Variants in DENND4A observed in about 807,000 individuals in gnomAD.
DENND4A encodes C-myc promoter-binding protein.
In DENND4A, 70 loss-of-function variants were observed where a neutral mutation model predicts 199.3. That is an observed-to-expected ratio of 0.35 (90% CI 0.29 to 0.43). The LOEUF is 0.43. DENND4A is among the 20% of genes least tolerant of loss of function. The probability of loss-of-function intolerance (pLI) is 1.00; values close to 1 mark genes in which losing one functional copy is unlikely to be tolerated. For missense variants in DENND4A, 1,723 were observed against 2,255.8 expected (o/e 0.76, Z 4.78); for synonymous variants, 686 against 766.9 (o/e 0.89, Z 1.74).
Position 65,752,554 on chromosome 15 carries a change from G to A in DENND4A, c.386C>T (p.Ala129Val). The A allele has an allele frequency of 6.2e-7, 1 of 1,612,502 alleles. No homozygotes were observed. The highest frequency in any genetic ancestry group is 8.5e-7 in the Non-Finnish European group (1 of 1,179,206). Reference protein sequence around the residue: ...IIQSTPYGRPANISGSTSSQR... With the variant: ...IIQSTPYGRPVNISGSTSSQR... ...TGATGAGGTACTCCCACTAATATTT[G>A]CGGGGCGCCCATAGGGAGTACTCTG... The change falls in exon 4 of 33, where the codon GCA becomes GTA. Residue 129 changes from alanine (A) to valine (V), a missense_variant. By Grantham distance (64) the Ala-to-Val change is moderately conservative (BLOSUM62 0). Transcript: ENST00000443035.
At chr15:65,740,688 T>C (rs1317422198) in intron 5 of DENND4A, among the ~76,000 whole-genome samples, 1 of 149,876 alleles carries the variant, frequency 6.7e-6, no homozygotes, top group Non-Finnish European at 1.5e-5. Flanking sequence ...AGGCCGGGTA[T>C]GGTGGCCCTC....
chr15:65,742,026 C>G (rs2076273528), intron 4 of DENND4A, among the ~76,000 whole-genome samples: 1 of 152,188 alleles, frequency 6.6e-6, no homozygotes, highest in African/African-American at 2.4e-5. Flanking sequence ...AAACTTGACT[C>G]TTTTAAACAA....
rs1470637362 is a variant in DENND4A at position 65,700,607 on chromosome 15, C to G, written c.2770G>C (p.Glu924Gln). The G allele has an allele frequency of 1.3e-6, 2 of 1,547,022 alleles. No homozygotes were observed. Among genetic ancestry groups the G allele is most frequent in the Non-Finnish European group, 1.7e-6 (2 of 1,145,024 alleles). ...MDSGHGTHTV[E>Q]QAPFNTGLIK... ...AAACCCGTATTAAAAGGTGCCTGCT[C>G]CACAGTGTGTGTCCCATGACCACTA... The change falls in exon 20 of 33, where the codon GAG (glutamate) becomes CAG (glutamine). Residue 924 changes from glutamate (E) to glutamine (Q), a missense_variant. By Grantham distance (29) the Glu-to-Gln change is conservative (BLOSUM62 2). This residue lies in a region of DENND4A where 650 missense variants were observed against 738.1 expected (regional missense o/e 0.88). Coordinates refer to ENST00000443035, the MANE Select transcript of DENND4A (RefSeq NM_001320835.1).
intron 1 of DENND4A, among the ~76,000 whole-genome samples, chr15:65,780,562 TTG>T (rs1485750977): frequency 6.6e-6 from 1 of 152,198 alleles, no homozygotes. Context: ...AAAGCTAGGG[TTG>T]TGTCTTTGAT....
At chr15:65,687,786 T>A (rs1235009828) in intron 23 of DENND4A, among the ~76,000 whole-genome samples, 2 of 142,902 alleles carry the variant, frequency 1.4e-5, no homozygotes, top group Non-Finnish European at 3.0e-5. Context: ...TTTCAGTGTA[T>A]TTTAATTTTT....
chr15:65,706,058 CT>C, intron 15 of DENND4A, 32 bp downstream of exon 15: 1 of 1,487,504 alleles, frequency 6.7e-7, no homozygotes, highest in Non-Finnish European at 9.0e-7. Context: ...TTGCTTCTCT[CT>C]TTCAATCTCA....
intron 1 of DENND4A, among the ~76,000 whole-genome samples, chr15:65,786,970 A>G (rs1343693001): frequency 1.3e-5 from 2 of 152,218 alleles, no homozygotes; most frequent in Non-Finnish European, 1.5e-5. Flanking sequence ...AATATTCAAG[A>G]AAAGTATAAA....
intron 27 of DENND4A, among the ~76,000 whole-genome samples, chr15:65,669,383 T>G (rs1326660486): frequency 3.3e-5 from 5 of 152,232 alleles, no homozygotes; most frequent in Non-Finnish European, 2.9e-5. Context: ...TCCAAATGTT[T>G]TCTTAGATTA....
chr15:65,668,204 C>CT (rs1208669376), intron 27 of DENND4A, 81 bp from the exon 28 acceptor site: 1 of 1,021,270 alleles, frequency 9.8e-7, no homozygotes, highest in Non-Finnish European at 1.4e-6. Flanking sequence ...TTCTCTCTCT[C>CT]TCTCTCTTTT....
In DENND4A at chr15:65,661,318, A is replaced by G. The variant is rs1414623712; in HGVS notation, c.*533T>C. Reference sequence around the variant, plus strand: ...TAATTACTTCAAATAGCAGCAGACAAGGAAAATACACGCTTGCTTGCTTAA... The same window carrying G: ...TAATTACTTCAAATAGCAGCAGACAGGGAAAATACACGCTTGCTTGCTTAA... On this transcript the variant is annotated 3_prime_UTR_variant, in exon 33 of 33. Coordinates refer to ENST00000443035, the MANE Select transcript of DENND4A (RefSeq NM_001320835.1). 6.6e-6 allele frequency: 1 copy of G among 152,260 alleles called. No homozygotes were observed. The highest frequency in any genetic ancestry group is 1.5e-5 in the Non-Finnish European group (1 of 68,064). The allele number at this position is 152,260 out of a possible 1,614,324, so 9.4% of individuals were successfully genotyped here. A position where few individuals can be genotyped will look rare whatever the true frequency, so the allele number is the denominator to read the frequency against.
At chr15:65,739,677 G>A (rs189696202) in intron 5 of DENND4A, among the ~76,000 whole-genome samples, 58 of 152,314 alleles carry the variant, frequency 3.8e-4, no homozygotes, top group African/African-American at 1.4e-3. Flanking sequence ...TAATATATCT[G>A]TGGCTTTGGA....
At chr15:65,791,961 T>C (rs1028457651) in intron 1 of DENND4A, 49 bp downstream of exon 1, 1 of 149,944 alleles carries the variant, frequency 6.7e-6, no homozygotes, top group African/African-American at 2.5e-5. Flanking sequence ...CTCCGGGCCG[T>C]GACAGCTCCA....
In DENND4A at chr15:65,660,297, G is replaced by GT; in HGVS notation, c.*1553dup. ...TTCCCAGAGTTGGAAGCTGTGAAATGTTTCAGCATGGTGCTATTCACTAAT... is the reference window on the plus strand; with the variant it reads ...TTCCCAGAGTTGGAAGCTGTGAAATGTTTTCAGCATGGTGCTATTCACTAAT... On this transcript the variant is annotated 3_prime_UTR_variant, in exon 33 of 33. Coordinates refer to ENST00000443035, the MANE Select transcript of DENND4A (RefSeq NM_001320835.1). The GT allele has an allele frequency of 6.5e-7, 1 of 1,535,294 alleles. No individual in the cohort carries two copies. Among genetic ancestry groups the GT allele is most frequent in the Non-Finnish European group, 8.7e-7 (1 of 1,146,558 alleles).
chr15:65,687,114 T>C (rs988259794), intron 23 of DENND4A, among the ~76,000 whole-genome samples: 4 of 152,216 alleles, frequency 2.6e-5, no homozygotes, highest in African/African-American at 9.6e-5. Context: ...AGATTTCCTG[T>C]TCTCTGTAAG....
Position 65,667,511 on chromosome 15 carries a change from C to G in DENND4A, c.5179G>C (p.Asp1727His). 6.2e-7 allele frequency: 1 copy of G among 1,613,954 alleles called. No individual in the cohort carries two copies. The highest frequency in any genetic ancestry group is 8.5e-7 in the Non-Finnish European group (1 of 1,179,854). ...WNLVWYFRRL[D>H]LPSNLPGLIL... ...AATCCAGGTAAGTTACTGGGCAAGT[C>G]AAGACGTCTGAAATACCATACCAGG... Residue 1727 changes from aspartate to histidine, a missense_variant, in exon 29 of 33, where the codon GAC (aspartate) becomes CAC (histidine). Asp to His is a moderately conservative substitution (Grantham distance 81). Transcript: ENST00000443035.
rs777954266 is a variant in DENND4A at position 65,737,970 on chromosome 15, T to G, written c.802-25A>C. On this transcript the variant is annotated intron_variant, in intron 6 of 32. Transcript: ENST00000443035. ...CCTGCAAAACAAGTAATATATCCAGTAAATATACTTTGTATCATATATCCA... is the reference window on the plus strand; with the variant it reads ...CCTGCAAAACAAGTAATATATCCAGGAAATATACTTTGTATCATATATCCA... 3 of 1,540,298 alleles carry G rather than the reference T, an allele frequency of 1.9e-6. No individual in the cohort carries two copies. In the South Asian group the frequency reaches 3.6e-5, roughly 19 times the overall value.
At chr15:65,764,106 C>T (rs2076922532) in intron 1 of DENND4A, among the ~76,000 whole-genome samples, 1 of 152,092 alleles carries the variant, frequency 6.6e-6, no homozygotes, top group Admixed American at 6.6e-5. Flanking sequence ...GTGCTACAAC[C>T]AATTTCAAAT....
chr15:65,783,285 A>C (rs551531714), intron 1 of DENND4A, among the ~76,000 whole-genome samples: 131 of 152,332 alleles, frequency 8.6e-4, no homozygotes, highest in African/African-American at 3.0e-3. Flanking sequence ...GATGGGACTG[A>C]ACAAATAAGT....
intron 23 of DENND4A, among the ~76,000 whole-genome samples, chr15:65,685,203 C>T (rs1444555558): frequency 1.3e-5 from 2 of 151,928 alleles, no homozygotes; most frequent in East Asian, 1.9e-4. Context: ...CTCAGCTCAC[C>T]GCAAGCTCCG....
Sources: gnomAD v4.1 joint callset for allele counts (sites outside exome capture counted in the v4.1 genomes callset) on GRCh38, gnomAD v4.1.1 for gene constraint, gnomAD v4.1.1 regional missense constraint, MANE v1.5 for transcripts, NCBI Gene and HGNC (gene_info 2026-07-23, HGNC 2026-07-21) for gene names.